Variants in ENPP3 observed in about 807,000 individuals in gnomAD.
The protein encoded by ENPP3 is ectonucleotide pyrophosphatase/phosphodiesterase 3.
In ENPP3, 104 loss-of-function variants were observed where a neutral mutation model predicts 117.8. The observed-to-expected ratio is 0.88, with a 90% CI of 0.75 to 1.04. The LOEUF is 1.04. Among genes scored for constraint, ENPP3 ranks in the 50% least tolerant of loss-of-function variants. ENPP3 has a pLI of 0.00. For synonymous variants in ENPP3, 380 were observed against 349.9 expected, an observed-to-expected ratio of 1.09 and a Z score of -0.96; for missense variants, 1,026 against 1,051.9, an observed-to-expected ratio of 0.98 and a Z score of 0.34.
chr6:131,652,524 A>C lies in ENPP3; in HGVS notation c.278-18A>C. 1 of 1,613,600 alleles carries C rather than the reference A, an allele frequency of 6.2e-7. No individual in the cohort carries two copies. The highest frequency in any genetic ancestry group is 1.1e-5 in the South Asian group (1 of 91,038). ...CTGCAGGCTTAAATGCTCAGAACTG[A>C]ATTGTATCGTTTTACAGCTCGAATA... On this transcript the variant is annotated intron_variant, in intron 3 of 24. Coordinates refer to ENST00000357639, the MANE Select transcript of ENPP3 (RefSeq NM_005021.5).
intron 14 of ENPP3, among the ~76,000 whole-genome samples, chr6:131,690,235 A>G (rs1585672835): frequency 6.6e-6 from 1 of 152,300 alleles, no homozygotes; most frequent in East Asian, 1.9e-4. Context: ...ATGTTATAAA[A>G]CAGTTTCGGA....
chr6:131,682,769 C>T (rs1025535681), intron 11 of ENPP3, among the ~76,000 whole-genome samples: 1 of 152,176 alleles, frequency 6.6e-6, no homozygotes, highest in Non-Finnish European at 1.5e-5. Context: ...AAAATTTTTA[C>T]AGTTGAATAG....
intron 14 of ENPP3, among the ~76,000 whole-genome samples, chr6:131,693,099 T>C (rs1001165712): frequency 1.5e-4 from 22 of 146,314 alleles, no homozygotes. Context: ...ATATATTATA[T>C]ATTATATATA....
In ENPP3 at chr6:131,747,337, T is replaced by C. The variant is rs1166770506; in HGVS notation, c.*381T>C. 1.3e-5 allele frequency: 2 copies of C among 153,168 alleles called. No homozygotes were observed. The highest frequency in any genetic ancestry group is 3.8e-4 in the East Asian group (2 of 5,228). 9.5% of individuals were successfully genotyped at this position (153,168 alleles called of 1,614,324 possible). On this transcript the variant is annotated 3_prime_UTR_variant, in exon 25 of 25. Coordinates refer to ENST00000357639, the MANE Select transcript of ENPP3 (RefSeq NM_005021.5). ...AAGTATGTCTCACTTGGGAACTGAA[T>C]CAACTCTAAATCAGTTTTGTCACAA...
At chr6:131,696,564 G>GT (rs1361078900) in intron 15 of ENPP3, among the ~76,000 whole-genome samples, 1 of 152,214 alleles carries the variant, frequency 6.6e-6, no homozygotes, top group Non-Finnish European at 1.5e-5. Context: ...TGCCAACAAG[G>GT]TGAGTGGGAG....
intron 20 of ENPP3, among the ~76,000 whole-genome samples, chr6:131,733,366 C>T (rs924257525): frequency 3.9e-5 from 6 of 151,996 alleles, no homozygotes; most frequent in Non-Finnish European, 7.4e-5. Flanking sequence ...ATATTTTTTT[C>T]CAAGGTGTAT....
rs1481471481 is a variant in ENPP3, at chr6:131,726,347, A to G, written c.1953+147A>G. 1.7e-5 allele frequency: 11 copies of G among 651,614 alleles called. 1 individual carries two copies. In the Admixed American group the frequency reaches 3.2e-4, roughly 19 times the overall value. The allele number at this position is 651,614 out of a possible 1,614,324, so 40.4% of individuals were successfully genotyped here. On this transcript the variant is annotated intron_variant, in intron 20 of 24. Coordinates refer to ENST00000357639, the MANE Select transcript of ENPP3 (RefSeq NM_005021.5). ...TTGCAAGACAATGTGCAAGTATTAG[A>G]TAAAGGTTGTTATAGGTGCTACACG...
intron 10 of ENPP3, 146 bp from the exon 11 acceptor site, chr6:131,677,722 G>A (rs1778901265): frequency 1.7e-6 from 1 of 574,568 alleles, no homozygotes; most frequent in South Asian, 2.3e-5. Flanking sequence ...GAGCCAAGTA[G>A]AACTACTGGG....
At chr6:131,716,058 A>C (rs1351981265) in intron 15 of ENPP3, among the ~76,000 whole-genome samples, 1 of 152,192 alleles carries the variant, frequency 6.6e-6, no homozygotes, top group African/African-American at 2.4e-5. Context: ...ATCAGGAGAG[A>C]AGTCTTATTC....
intron 6 of ENPP3, among the ~76,000 whole-genome samples, chr6:131,666,127 G>A (rs1778611373): frequency 6.6e-6 from 1 of 151,838 alleles, no homozygotes; most frequent in African/African-American, 2.4e-5. Flanking sequence ...TCTAATATGT[G>A]ATCTATCCTG....
chr6:131,680,829 A>C (rs1779007778), intron 11 of ENPP3, among the ~76,000 whole-genome samples: 1 of 152,184 alleles, frequency 6.6e-6, no homozygotes, highest in Non-Finnish European at 1.5e-5. Context: ...GAGAGTTGGG[A>C]ACTGGCATTT....
At chr6:131,644,732 G>T (rs3850246) in intron 2 of ENPP3, among the ~76,000 whole-genome samples, 29,920 of 152,050 alleles carry the variant, frequency 0.2, 3,204 homozygotes, top group East Asian at 0.34. Context: ...GTGAAGTCCT[G>T]CCTGGTCATG....
At chr6:131,660,334 G>A (rs527924540) in intron 6 of ENPP3, among the ~76,000 whole-genome samples, 1 of 152,342 alleles carries the variant, frequency 6.6e-6, no homozygotes, top group East Asian at 1.9e-4. Flanking sequence ...CCATGGTCAT[G>A]TAAACTGAGC....
chr6:131,680,309 C>T (rs1778996862), intron 11 of ENPP3, among the ~76,000 whole-genome samples: 1 of 152,060 alleles, frequency 6.6e-6, no homozygotes. Flanking sequence ...GATTGATTTC[C>T]TAGTTTCTAT....
chr6:131,710,821 A>G, intron 15 of ENPP3: 1 of 1,613,384 alleles, frequency 6.2e-7, no homozygotes, highest in Non-Finnish European at 8.5e-7. Flanking sequence ...CCGACTCCTA[A>G]CCGATCTAAA....
chr6:131,733,979 T>G (rs1199020377), intron 21 of ENPP3, among the ~76,000 whole-genome samples: 1 of 152,078 alleles, frequency 6.6e-6, no homozygotes, highest in Admixed American at 6.6e-5. Flanking sequence ...TAAGTTTAAT[T>G]TTAAAACTGG....
Position 131,734,598 on chromosome 6 carries a change from A to T in ENPP3, c.2089+875A>T, listed in dbSNP as rs115812201. 5.8e-3 allele frequency among the ~76,000 whole-genome samples: 887 copies of T among 151,924 alleles called. 7 individuals carry two copies. The highest frequency in any genetic ancestry group is 0.02 in the African/African-American group (849 of 41,530). On this transcript the variant is annotated intron_variant, in intron 21 of 24. Coordinates refer to ENST00000357639, the MANE Select transcript of ENPP3 (RefSeq NM_005021.5). ...AATTTATGTAAGCCCTGTGATAAACATTAAAAATTTGCAACAGGCTGGGTG... is the reference window on the plus strand; with the variant it reads ...AATTTATGTAAGCCCTGTGATAAACTTTAAAAATTTGCAACAGGCTGGGTG...
intron 15 of ENPP3, among the ~76,000 whole-genome samples, chr6:131,695,119 A>G (rs747575890): frequency 6.6e-6 from 1 of 152,040 alleles, no homozygotes; most frequent in Non-Finnish European, 1.5e-5. Flanking sequence ...ATTCTCTAGA[A>G]AGTATTTTCC....
At chr6:131,734,680 T>C (rs965445739) in intron 21 of ENPP3, among the ~76,000 whole-genome samples, 2 of 151,718 alleles carry the variant, frequency 1.3e-5, no homozygotes, top group Non-Finnish European at 2.9e-5. Flanking sequence ...GTGGATCACC[T>C]GAGATCAGGA....
Sources: gnomAD v4.1 joint callset for allele counts (sites outside exome capture counted in the v4.1 genomes callset) on GRCh38, gnomAD v4.1.1 for gene constraint, MANE v1.5 for transcripts, NCBI Gene and HGNC (gene_info 2026-07-23, HGNC 2026-07-21) for gene names.